The following PPP2R3A variants were observed in gnomAD, a reference collection of about 807,000 sequenced individuals.
PPP2R3A encodes serine/threonine-protein phosphatase 2A regulatory subunit B'' subunit alpha.
A neutral mutation model predicts 106.9 loss-of-function variants in PPP2R3A; 80 were observed. The ratio of observed to expected loss-of-function variants is 0.75; its 90% CI spans 0.62 to 0.90. PPP2R3A has a LOEUF of 0.90. PPP2R3A is among the 40% of genes least tolerant of loss of function. The probability of loss-of-function intolerance (pLI) is 0.00; values close to 1 mark genes in which losing one functional copy is unlikely to be tolerated. For synonymous variants in PPP2R3A, 483 were observed against 468.3 expected, an observed-to-expected ratio of 1.03 and a Z score of -0.41; for missense variants, 1,386 against 1,350.4, an observed-to-expected ratio of 1.03 and a Z score of -0.41.
intron 13 of PPP2R3A, among the ~76,000 whole-genome samples, chr3:136,141,154 G>A: frequency 6.6e-6 from 1 of 152,190 alleles, no homozygotes; most frequent in Non-Finnish European, 1.5e-5. Flanking sequence ...ATATGAAGGA[G>A]ACAAATAAAT....
In PPP2R3A at chr3:136,070,469, CT is replaced by C. The variant is rs1181032680; in HGVS notation, c.2470-4del. 23 of 1,586,848 alleles carry C rather than the reference CT, an allele frequency of 1.4e-5. No individual in the cohort carries two copies. The highest frequency in any genetic ancestry group is 1.9e-5 in the Non-Finnish European group (22 of 1,170,874). ...TTGTTAATTTAGTTTTGGTTTTGAT[CT>C]TTTTCAGGATGTGGTGGATACCCAC... On this transcript the variant is annotated splice_region_variant and splice_polypyrimidine_tract_variant and intron_variant, in intron 5 of 13. Coordinates refer to ENST00000264977, the MANE Select transcript of PPP2R3A (RefSeq NM_002718.5).
intron 6 of PPP2R3A, among the ~76,000 whole-genome samples, chr3:136,074,190 T>C (rs1486201505): frequency 6.6e-6 from 1 of 152,228 alleles, no homozygotes; most frequent in African/African-American, 2.4e-5. Context: ...AAGTATTAGC[T>C]TATGTGAGGT....
intron 1 of PPP2R3A, among the ~76,000 whole-genome samples, chr3:135,972,076 C>T (rs1359557790): frequency 7.9e-5 from 12 of 152,274 alleles, no homozygotes; most frequent in African/African-American, 2.9e-4. Context: ...AATTCTGGAA[C>T]ATTTTCATCA....
At chr3:136,026,779 T>C (rs979583916) in intron 2 of PPP2R3A, 53 bp from the exon 3 acceptor site, 5 of 1,486,170 alleles carry the variant, frequency 3.4e-6, no homozygotes, top group Non-Finnish European at 4.6e-6. Flanking sequence ...GAATTTTCAG[T>C]AAATGAATAC....
At chr3:136,128,258 T>G (rs1938260285) in intron 13 of PPP2R3A, among the ~76,000 whole-genome samples, 1 of 151,572 alleles carries the variant, frequency 6.6e-6, no homozygotes, top group Non-Finnish European at 1.5e-5. Flanking sequence ...TGTGCTGTAT[T>G]CAGGAGACCC....
chr3:136,074,004 A>T (rs1576481903), intron 6 of PPP2R3A, among the ~76,000 whole-genome samples: 1 of 152,274 alleles, frequency 6.6e-6, no homozygotes, highest in East Asian at 1.9e-4. Flanking sequence ...GATCAGCCTC[A>T]GAATTAATGA....
chr3:136,046,206 C>A (rs568409964), intron 4 of PPP2R3A, among the ~76,000 whole-genome samples: 2 of 152,064 alleles, frequency 1.3e-5, no homozygotes, highest in Non-Finnish European at 2.9e-5. Context: ...AATCCCAGCA[C>A]GTTGGGAGGC....
Position 136,145,114 on chromosome 3 carries a change from G to A in PPP2R3A, c.3401G>A (p.Ser1134Asn), listed in dbSNP as rs762123115. 1 of 1,613,868 alleles carries A rather than the reference G, an allele frequency of 6.2e-7. No individual in the cohort carries two copies. Among genetic ancestry groups the A allele is most frequent in the Non-Finnish European group, 8.5e-7 (1 of 1,179,848 alleles). Residue 1134 changes from serine (S) to asparagine (N), a missense_variant, in exon 14 of 14, where the codon AGT becomes AAT. Coordinates refer to ENST00000264977, the MANE Select transcript of PPP2R3A (RefSeq NM_002718.5). Reference sequence around the variant, plus strand: ...GGAAACAAAAGCAATAAAATATTAAGTGCAAGCCTTCCAGAGAAATGTGGA... The same window carrying A: ...GGAAACAAAAGCAATAAAATATTAAATGCAAGCCTTCCAGAGAAATGTGGA... Reference protein sequence around the residue: ...EFGNKSNKILSASLPEKCGKL... With the variant: ...EFGNKSNKILNASLPEKCGKL...
At chr3:136,127,807 C>G (rs1938239752) in intron 13 of PPP2R3A, among the ~76,000 whole-genome samples, 1 of 152,172 alleles carries the variant, frequency 6.6e-6, no homozygotes, top group Non-Finnish European at 1.5e-5. Flanking sequence ...AGACTAAAAG[C>G]AGATCTCTTG....
chr3:136,103,554 G>C (rs1019670160), intron 12 of PPP2R3A, among the ~76,000 whole-genome samples, 178 bp downstream of exon 12: 1 of 152,032 alleles, frequency 6.6e-6, no homozygotes, highest in Non-Finnish European at 1.5e-5. Flanking sequence ...CTCCACAGCC[G>C]ATCGTCAGGT....
intron 1 of PPP2R3A, among the ~76,000 whole-genome samples, chr3:135,979,191 C>T (rs757422923): frequency 9.2e-5 from 14 of 151,612 alleles, no homozygotes; most frequent in Non-Finnish European, 1.5e-4. Flanking sequence ...CCAGCCTGGC[C>T]AACATGGTGA....
intron 2 of PPP2R3A, among the ~76,000 whole-genome samples, chr3:136,008,853 C>G (rs959342630): frequency 1.3e-5 from 2 of 152,118 alleles, no homozygotes; most frequent in Non-Finnish European, 2.9e-5. Context: ...CTGTCCAACC[C>G]TCACAGCTTC....
At chr3:136,042,755 G>A (rs991989736) in intron 4 of PPP2R3A, among the ~76,000 whole-genome samples, 1 of 152,184 alleles carries the variant, frequency 6.6e-6, no homozygotes, top group East Asian at 1.9e-4. Context: ...GAATAGATAA[G>A]TGTGTCTCTA....
chr3:136,104,004 C>T (rs1460584409), intron 12 of PPP2R3A, among the ~76,000 whole-genome samples: 1 of 152,144 alleles, frequency 6.6e-6, no homozygotes, highest in Non-Finnish European at 1.5e-5. Context: ...CTTGTTCTTA[C>T]CATTCCTCTA....
intron 2 of PPP2R3A, among the ~76,000 whole-genome samples, chr3:136,008,584 T>C (rs888739567): frequency 6.6e-6 from 1 of 152,220 alleles, no homozygotes; most frequent in South Asian, 2.1e-4. Context: ...TATGTACTGA[T>C]GTAGAAGGGT....
At chr3:136,119,080 A>G (rs913544474) in intron 13 of PPP2R3A, among the ~76,000 whole-genome samples, 10 of 152,198 alleles carry the variant, frequency 6.6e-5, no homozygotes, top group African/African-American at 2.4e-4. Context: ...ATCTACAACC[A>G]TCTGATCTTT....
At chr3:136,122,543 A>G (rs577924213) in intron 13 of PPP2R3A, among the ~76,000 whole-genome samples, 63 of 152,320 alleles carry the variant, frequency 4.1e-4, no homozygotes, top group African/African-American at 1.5e-3. Context: ...TTGGAAATCC[A>G]TGTATAAGAA....
intron 2 of PPP2R3A, among the ~76,000 whole-genome samples, chr3:136,008,132 A>G (rs575885348): frequency 2.9e-4 from 44 of 152,346 alleles, no homozygotes; most frequent in African/African-American, 1.0e-3. Flanking sequence ...AGCAAAGCAC[A>G]TTTTAGGAAC....
intron 5 of PPP2R3A, among the ~76,000 whole-genome samples, chr3:136,068,349 C>T (rs75221562): frequency 0.016 from 2,454 of 151,366 alleles, 67 homozygotes; most frequent in African/African-American, 0.057. Context: ...CATGAGTCTG[C>T]GCTGTTAAAA....
Sources: gnomAD v4.1 joint callset for allele counts (sites outside exome capture counted in the v4.1 genomes callset) on GRCh38, gnomAD v4.1.1 for gene constraint, MANE v1.5 for transcripts, NCBI Gene and HGNC (gene_info 2026-07-23, HGNC 2026-07-21) for gene names.